Variants in AGBL4 observed in about 807,000 individuals in gnomAD.
AGBL4 encodes cytosolic carboxypeptidase 6.
AGBL4 carries 58 observed loss-of-function variants against 66.4 expected under a neutral mutation model. The observed-to-expected ratio is 0.87, with a 90% CI of 0.71 to 1.09. The LOEUF is 1.09. AGBL4 is among the 50% of genes least tolerant of loss of function. The pLI is 0.00. For synonymous variants in AGBL4, 234 were observed against 222.9 expected (o/e 1.05, Z -0.44); for missense variants, 579 against 631.0 (o/e 0.92, Z 0.88).
chr1:48,917,664 ATCAACAAATGT>A (rs1371748828), intron 5 of AGBL4, among the ~76,000 whole-genome samples: 48 of 152,368 alleles, frequency 3.2e-4, no homozygotes, highest in African/African-American at 1.1e-3. Flanking sequence ...ACAGATTTAT[ATCAACAAATGT>A]TCATAATGAT....
At chr1:49,263,588 T>C (rs1353066275) in intron 3 of AGBL4, among the ~76,000 whole-genome samples, 1 of 152,070 alleles carries the variant, frequency 6.6e-6, no homozygotes, top group African/African-American at 2.4e-5. Flanking sequence ...AATAATGAAA[T>C]TTCTCATCCA....
chr1:49,677,214 C>A (rs1456335324), intron 3 of AGBL4, among the ~76,000 whole-genome samples: 1 of 151,992 alleles, frequency 6.6e-6, no homozygotes, highest in Non-Finnish European at 1.5e-5. Flanking sequence ...AGAACTACAT[C>A]TTTATTCTTA....
intron 5 of AGBL4, among the ~76,000 whole-genome samples, chr1:48,944,792 T>G (rs770387377): frequency 2.6e-5 from 4 of 152,184 alleles, no homozygotes; most frequent in Admixed American, 6.5e-5. Context: ...CATATCAAGG[T>G]AAACAATTCT....
chr1:49,560,736 T>C (rs568029682), intron 3 of AGBL4, among the ~76,000 whole-genome samples: 29 of 152,124 alleles, frequency 1.9e-4, no homozygotes, highest in African/African-American at 6.7e-4. Context: ...TAACATAAAA[T>C]GGAGCTCCAG....
intron 1 of AGBL4, among the ~76,000 whole-genome samples, chr1:49,949,842 C>G (rs1190267882): frequency 6.6e-6 from 1 of 151,084 alleles, no homozygotes; most frequent in African/African-American, 2.4e-5. Context: ...TCCAGCAATC[C>G]CACTACTGGG....
intron 4 of AGBL4, among the ~76,000 whole-genome samples, chr1:49,176,753 T>C (rs941600728): frequency 6.6e-6 from 1 of 152,168 alleles, no homozygotes; most frequent in African/African-American, 2.4e-5. Flanking sequence ...AGGTCTACAT[T>C]TCAGGCCCTG....
In AGBL4 at chr1:49,934,171, A is replaced by G. The variant is rs1653679101; in HGVS notation, c.35-82653T>C. 2.0e-5 allele frequency among the ~76,000 whole-genome samples: 3 copies of G among 152,214 alleles called. No individual in the cohort carries two copies. In the South Asian group the frequency reaches 6.2e-4, roughly 31 times the overall value. On this transcript the variant is annotated intron_variant, in intron 1 of 13. Coordinates refer to ENST00000371839, the MANE Select transcript of AGBL4 (RefSeq NM_032785.4). ...GCTATTAAATATAGAAAGCAAATAT[A>G]AACAGAACTGAAAGGAGAAATCAAC...
intron 4 of AGBL4, among the ~76,000 whole-genome samples, chr1:49,171,542 G>A (rs1415499919): frequency 6.6e-6 from 1 of 152,094 alleles, no homozygotes; most frequent in Non-Finnish European, 1.5e-5. Context: ...AACGAGTGAT[G>A]TAGGAGAATA....
At chr1:49,770,208 A>G (rs1463019288) in intron 2 of AGBL4, among the ~76,000 whole-genome samples, 1 of 152,126 alleles carries the variant, frequency 6.6e-6, no homozygotes, top group Non-Finnish European at 1.5e-5. Context: ...TTCTATACCT[A>G]ATTTGTTGAG....
chr1:48,831,084 T>C (rs934880177), intron 6 of AGBL4, among the ~76,000 whole-genome samples: 4 of 152,188 alleles, frequency 2.6e-5, no homozygotes, highest in Non-Finnish European at 4.4e-5. Context: ...AATTTTTGGA[T>C]TGGGGCTCAG....
chr1:49,341,816 T>C (rs1189550432), intron 3 of AGBL4, among the ~76,000 whole-genome samples: 1 of 152,196 alleles, frequency 6.6e-6, no homozygotes, highest in African/African-American at 2.4e-5. Context: ...TGGGTCTTTC[T>C]CTAGCCACCC....
chr1:49,209,529 A>G (rs915546703), intron 4 of AGBL4, among the ~76,000 whole-genome samples: 7 of 152,082 alleles, frequency 4.6e-5, no homozygotes, highest in African/African-American at 1.7e-4. Context: ...AGAGGACATT[A>G]TGGTATGGGA....
At chr1:48,528,963 T>C (rs958543614), downstream of AGBL4, among the ~76,000 whole-genome samples, 2 of 152,088 alleles carry the variant, frequency 1.3e-5, no homozygotes, top group Admixed American at 6.5e-5. Context: ...AATATCATGT[T>C]CAACACTGTC....
intron 5 of AGBL4, among the ~76,000 whole-genome samples, chr1:49,034,063 T>C (rs1364183429): frequency 6.6e-6 from 1 of 152,028 alleles, no homozygotes; most frequent in Non-Finnish European, 1.5e-5. Context: ...GGCCTTATTG[T>C]AGAGTCCTAC....
At position 48,534,236 on chromosome 1, in the gene AGBL4, G is replaced by A. The variant is rs768750265; in HGVS notation, c.1449C>T (p.Tyr483=). The A allele has an allele frequency of 6.4e-7, 1 of 1,551,700 alleles. No individual in the cohort carries two copies. Among genetic ancestry groups the A allele is most frequent in the Admixed American group, 2.0e-5 (1 of 51,002 alleles). The change falls in exon 14 of 14, where the codon TAC becomes TAT. Residue 483 remains tyrosine (Y), a synonymous_variant. Coordinates refer to ENST00000371839, the MANE Select transcript of AGBL4 (RefSeq NM_032785.4). ...HPLLRGPASN[Y]PNSKGDKKSS... ...TCTTCTTGTCCCCTTTGCTGTTGGG[G>A]TAGTTGCTGGCTGGGCCCCGCAGGA...
intron 3 of AGBL4, among the ~76,000 whole-genome samples, chr1:49,406,862 G>A (rs933943825): frequency 6.6e-6 from 1 of 151,758 alleles, no homozygotes; most frequent in Non-Finnish European, 1.5e-5. Context: ...TCAGGAAATC[G>A]AGACCATCCT....
chr1:49,566,216 A>C (rs1191727167), intron 3 of AGBL4, among the ~76,000 whole-genome samples: 2 of 151,864 alleles, frequency 1.3e-5, no homozygotes, highest in Non-Finnish European at 2.9e-5. Context: ...TTTTTTTTCA[A>C]GTTTTTAGCT....
At chr1:49,174,084 T>C (rs1646787772) in intron 4 of AGBL4, among the ~76,000 whole-genome samples, 1 of 152,106 alleles carries the variant, frequency 6.6e-6, no homozygotes, top group Non-Finnish European at 1.5e-5. Flanking sequence ...TAGAAAATAG[T>C]ATATTCTTTC....
chr1:49,290,288 G>A lies in AGBL4; in HGVS notation c.283-44424C>T, dbSNP rs182374193. On this transcript the variant is annotated intron_variant, in intron 3 of 13. Transcript: ENST00000371839. ...AGCTAGGGTTGGCTCCAGACTTCTG[G>A]GTTGGGTTTAGTCTGCCACGTATTT... Among the ~76,000 whole-genome samples the A allele has an allele frequency of 4.2e-4, 64 of 152,256 alleles. No homozygotes were observed. The East Asian group carries it at 0.011, about 27-fold the overall frequency.
Sources: gnomAD v4.1 joint callset for allele counts (sites outside exome capture counted in the v4.1 genomes callset) on GRCh38, gnomAD v4.1.1 for gene constraint, MANE v1.5 for transcripts, NCBI Gene and HGNC (gene_info 2026-07-23, HGNC 2026-07-21) for gene names.